HIVEP2: variants seen among roughly 807,000 people sequenced by gnomAD.
HIVEP2 encodes transcription factor HIVEP2.
In HIVEP2, 14 loss-of-function variants were observed where a neutral mutation model predicts 180.7. That is an observed-to-expected ratio of 0.08 (90% CI 0.05 to 0.12). HIVEP2 has a LOEUF of 0.12. Among genes scored for constraint, HIVEP2 ranks in the 10% least tolerant of loss-of-function variants. The pLI, the probability that HIVEP2 is intolerant of heterozygous loss-of-function variation, is 1.00. For missense variants in HIVEP2, 2,579 were observed against 3,008.5 expected (o/e 0.86, Z 3.34); for synonymous variants, 1,184 against 1,136.4 (o/e 1.04, Z -0.84).
At position 142,878,214 on chromosome 6, in the gene HIVEP2, G is replaced by C. The variant is rs115058611; in HGVS notation, c.-640-41167C>G. ...CACATGACATTGGCTTCAGCACAAT[G>C]AGAAAATGATGGAAACAGAGTGTAC... is the stretch of plus-strand genomic sequence containing the variant. On this transcript the variant is annotated intron_variant, in intron 1 of 9. Coordinates refer to ENST00000367603, the MANE Select transcript of HIVEP2 (RefSeq NM_006734.4). Among the ~76,000 whole-genome samples, 678 of 152,208 alleles carry C rather than the reference G, an allele frequency of 4.5e-3. 3 individuals carry two copies. The highest frequency in any genetic ancestry group is 0.015 in the African/African-American group (642 of 41,540).
In HIVEP2 at chr6:142,753,902, A is replaced by T. The variant is rs1774995844; in HGVS notation, c.6546T>A (p.Pro2182=). 6.2e-7 allele frequency: 1 copy of T among 1,603,396 alleles called. No individual in the cohort carries two copies. ...PNLRRGLPQV[P]YFSLYGDQEG... ...CTTGGTCTCCATAGAGACTGAAGTA[A>T]GGAACCTGAGGTAATCCTCTTCTTA... The change falls in exon 10 of 10, where the codon CCT becomes CCA. Residue 2182 remains proline, a synonymous_variant. Transcript: ENST00000367603.
rs1774987959 is a variant in HIVEP2, at chr6:142,753,652, C to T, written c.6796G>A (p.Ala2266Thr). Residue 2266 changes from alanine (A) to threonine (T), a missense_variant, in exon 10 of 10, where the codon GCG becomes ACG. Ala to Thr is a moderately conservative substitution (Grantham distance 58). Transcript: ENST00000367603. Reference protein sequence around the residue: ...PMEGFEEKKGASGESFSKDPY... With the variant: ...PMEGFEEKKGTSGESFSKDPY... ...TCCTTGGAGAAGGACTCCCCTGACGCGCCTTTCTTCTCCTCAAAGCCCTCC... is the reference window on the plus strand; with the variant it reads ...TCCTTGGAGAAGGACTCCCCTGACGTGCCTTTCTTCTCCTCAAAGCCCTCC... 1.9e-6 allele frequency: 3 copies of T among 1,614,166 alleles called. No individual in the cohort carries two copies. The highest frequency in any genetic ancestry group is 2.5e-6 in the Non-Finnish European group (3 of 1,180,024).
chr6:142,788,110 C>A (rs943044652), intron 2 of HIVEP2: 6 of 152,146 alleles, frequency 3.9e-5, no homozygotes, highest in African/African-American at 1.4e-4. Context: ...ACAAAAAAAG[C>A]AGATACATGT....
In HIVEP2 at chr6:142,774,886, T is replaced by C. The variant is rs184875457; in HGVS notation, c.-148A>G. The C allele has an allele frequency of 1.5e-4, 218 of 1,500,310 alleles. 2 individuals carry two copies. In the African/African-American group the frequency reaches 2.7e-3, roughly 18 times the overall value. The allele number at this position is 1,500,310 out of a possible 1,614,324, so 92.9% of individuals were successfully genotyped here. ...TGATTGCTCCTTCTCTTTGGAACCT[T>C]CCACACGCACACCACAGTCGATGGG... On this transcript the variant is annotated 5_prime_UTR_variant, in exon 5 of 10. Coordinates refer to ENST00000367603, the MANE Select transcript of HIVEP2 (RefSeq NM_006734.4). The surrounding 1 kb of genome is among the most constrained non-coding windows in gnomAD (Gnocchi z 5.1).
At chr6:142,857,871 C>T (rs541875655) in intron 1 of HIVEP2, among the ~76,000 whole-genome samples, 1 of 152,276 alleles carries the variant, frequency 6.6e-6, no homozygotes, top group East Asian at 1.9e-4. Flanking sequence ...CACGGGGCTG[C>T]GGGCTGCTGT....
intron 7 of HIVEP2, among the ~76,000 whole-genome samples, chr6:142,764,068 C>T (rs182097174): frequency 2.0e-5 from 3 of 152,094 alleles, no homozygotes; most frequent in African/African-American, 7.2e-5. Context: ...CTGCAAAAGT[C>T]GAACAACCTC....
chr6:142,806,618 G>C (rs1776561185), intron 2 of HIVEP2, among the ~76,000 whole-genome samples: 1 of 152,036 alleles, frequency 6.6e-6, no homozygotes, highest in African/African-American at 2.4e-5. Context: ...CCATATTCAA[G>C]GTATAATGGC....
intron 1 of HIVEP2, among the ~76,000 whole-genome samples, chr6:142,850,397 A>G (rs867936904): frequency 8.5e-5 from 13 of 152,202 alleles, no homozygotes; most frequent in Admixed American, 5.9e-4. Context: ...AATTGAAGGA[A>G]TATGCTGCTG....
intron 1 of HIVEP2, among the ~76,000 whole-genome samples, chr6:142,882,194 ATTC>A (rs1776588381): frequency 6.6e-6 from 1 of 152,236 alleles, no homozygotes; most frequent in African/African-American, 2.4e-5. Context: ...TAGGCCTTAT[ATTC>A]TTCATCTATA....
intron 2 of HIVEP2, among the ~76,000 whole-genome samples, chr6:142,821,112 T>C (rs1454366026): frequency 6.6e-6 from 1 of 152,160 alleles, no homozygotes; most frequent in Non-Finnish European, 1.5e-5. Flanking sequence ...TTTTGCAGCA[T>C]TACTAAACTT....
At chr6:142,820,297 T>TTCTCTCTCTCTCTC (rs3057563) in intron 2 of HIVEP2, among the ~76,000 whole-genome samples, 10,705 of 148,240 alleles carry the variant, frequency 0.072, 1,210 homozygotes, top group African/African-American at 0.24. Context: ...TCGCTCTCTC[T>TTCTCTCTCTCTCTC]TCTCTCTCTC....
chr6:142,776,381 A>T (rs955012708), intron 3 of HIVEP2, among the ~76,000 whole-genome samples, 190 bp from the exon 4 acceptor site: 3 of 152,240 alleles, frequency 2.0e-5, no homozygotes, highest in Non-Finnish European at 4.4e-5. Context: ...TGACACTGTG[A>T]CTCAAAAATA....
intron 1 of HIVEP2, among the ~76,000 whole-genome samples, chr6:142,862,816 A>T (rs1776031664): frequency 7.5e-6 from 1 of 133,996 alleles, no homozygotes. Context: ...TATCATATAT[A>T]TTTTTATATA....
Position 142,770,362 on chromosome 6 carries a change from C to T in HIVEP2, c.4377G>A (p.Arg1459=). ...GTCCGTACATCTTTTCTTCTTTGAC[C>T]CTTTTCTGCTGCTTGGTTTCCATGA... ...ELFMETKQQK[R]VKEEKMYGQI... is the part of the protein sequence containing the mutation. Residue 1459 remains arginine, a synonymous_variant, in exon 5 of 10, where the codon AGG becomes AGA. Transcript: ENST00000367603. This position sits in a 1 kb window ranked among gnomAD's most constrained non-coding sequence, Gnocchi z 4.7. The T allele has an allele frequency of 1.2e-6, 2 of 1,614,120 alleles. No homozygotes were observed. The highest frequency in any genetic ancestry group is 1.1e-5 in the South Asian group (1 of 91,084).
intron 6 of HIVEP2, among the ~76,000 whole-genome samples, chr6:142,767,312 C>T (rs1392334902): frequency 6.6e-6 from 1 of 152,170 alleles, no homozygotes; most frequent in Non-Finnish European, 1.5e-5. Flanking sequence ...AATATCAAGA[C>T]AAGCTTCATG....
At position 142,797,575 on chromosome 6, in the gene HIVEP2, C is replaced by T. The variant is rs547908281; in HGVS notation, c.-527-13960G>A. Among the ~76,000 whole-genome samples the T allele has an allele frequency of 1.8e-4, 28 of 152,172 alleles. No homozygotes were observed. In the South Asian group the frequency reaches 5.8e-3, roughly 32 times the overall value. The stretch of plus-strand genomic sequence containing the variant: ...CGCCCAGATAGTATGGACAAAATAC[C>T]CCCTTATTCCCAATTTTGCTTTCTG... On this transcript the variant is annotated intron_variant, in intron 2 of 9. Coordinates refer to ENST00000367603, the MANE Select transcript of HIVEP2 (RefSeq NM_006734.4).
Position 142,773,916 on chromosome 6 carries a change from C to T in HIVEP2, c.823G>A (p.Gly275Ser), listed in dbSNP as rs1775624362. The T allele has an allele frequency of 6.2e-7, 1 of 1,613,892 alleles. No homozygotes were observed. Among genetic ancestry groups the T allele is most frequent in the Admixed American group, 1.7e-5 (1 of 60,000 alleles). Residue 275 changes from glycine to serine, a missense_variant, in exon 5 of 10, where the codon GGT becomes AGT. Transcript: ENST00000367603. Reference sequence around the variant, plus strand: ...TCATCTGTGTCTGTACTCTGTTCACCATCTGAATGTATTTCTGCTTCTACA... The same window carrying T: ...TCATCTGTGTCTGTACTCTGTTCACTATCTGAATGTATTTCTGCTTCTACA... ...IDVEAEIHSDGEQSTDTDEES... is the reference protein window; with the variant it reads ...IDVEAEIHSDSEQSTDTDEES...
intron 1 of HIVEP2, among the ~76,000 whole-genome samples, chr6:142,923,296 A>G (rs1259997191): frequency 6.6e-6 from 1 of 151,780 alleles, no homozygotes; most frequent in African/African-American, 2.4e-5. Flanking sequence ...GTGCCACTGT[A>G]CTCCAGCCTG....
intron 1 of HIVEP2, among the ~76,000 whole-genome samples, chr6:142,856,961 T>G (rs1003872452): frequency 1.3e-5 from 2 of 152,144 alleles, no homozygotes; most frequent in Non-Finnish European, 2.9e-5. Context: ...TCTGAAGCAT[T>G]CTACATTATT....
Sources: allele counts gnomAD v4.1 joint callset (sites outside exome capture counted in the v4.1 genomes callset), GRCh38; gene constraint gnomAD v4.1.1; non-coding constraint Gnocchi (gnomAD v3.1); transcripts MANE v1.5; gene names NCBI Gene and HGNC (gene_info 2026-07-23, HGNC 2026-07-21).